KIF26B: variants seen among roughly 807,000 people sequenced by gnomAD.
KIF26B encodes kinesin family member 26B, also known as kinesin-like protein KIF26B.
Under a neutral mutation model 151.2 loss-of-function variants are expected in KIF26B, and 63 were observed. That is an observed-to-expected ratio of 0.42 (90% CI 0.34 to 0.51). The LOEUF is 0.51. Among genes scored for constraint, KIF26B ranks in the 20% least tolerant of loss-of-function variants. KIF26B has a pLI of 0.07. For missense variants in KIF26B, 2,813 were observed against 2,913.6 expected (o/e 0.97, Z 0.79); for synonymous variants, 1,357 against 1,262.1 (o/e 1.08, Z -1.59).
chr1:245,371,206 T>C (rs944126221), intron 3 of KIF26B, among the ~76,000 whole-genome samples: 35 of 152,212 alleles, frequency 2.3e-4, no homozygotes, highest in African/African-American at 8.0e-4. Flanking sequence ...TGCCTGGCTA[T>C]GAATCTGCGT....
chr1:245,197,372 GA>G (rs1411347395), intron 2 of KIF26B, among the ~76,000 whole-genome samples: 1 of 152,212 alleles, frequency 6.6e-6, no homozygotes, highest in East Asian at 1.9e-4. Flanking sequence ...AAGATCTGAG[GA>G]GGGGCAGGGC....
At chr1:245,473,875 C>T (rs1416963155) in intron 4 of KIF26B, among the ~76,000 whole-genome samples, 2 of 151,768 alleles carry the variant, frequency 1.3e-5, no homozygotes, top group African/African-American at 4.8e-5. Context: ...GCTCTGCTCT[C>T]TCGGTTTTTT....
chr1:245,512,193 C>G lies in KIF26B; in HGVS notation c.1167-28574C>G, dbSNP rs955037327. ...AAGTGGGATTTCTAACAATAAGAGT[C>G]GTGAGTTTTTCTGAGCTATCATTGC... On this transcript the variant is annotated intron_variant, in intron 4 of 14. Transcript: ENST00000407071. This position sits in a 1 kb window ranked among gnomAD's most constrained non-coding sequence, Gnocchi z 4.3. Among the ~76,000 whole-genome samples the G allele has an allele frequency of 6.6e-6, 1 of 152,156 alleles. No homozygotes were observed. The highest frequency in any genetic ancestry group is 6.5e-5 in the Admixed American group (1 of 15,280).
intron 5 of KIF26B, among the ~76,000 whole-genome samples, chr1:245,584,715 G>C (rs1469054409): frequency 6.6e-6 from 1 of 152,182 alleles, no homozygotes; most frequent in Non-Finnish European, 1.5e-5. Context: ...TTCTACGATA[G>C]TAATAAAAGC....
At chr1:245,222,189 G>A (rs950192100) in intron 2 of KIF26B, among the ~76,000 whole-genome samples, 40 of 152,196 alleles carry the variant, frequency 2.6e-4, no homozygotes, top group Non-Finnish European at 4.4e-5. Flanking sequence ...CTGTAATCCA[G>A]CACTTTGGGG....
At chr1:245,506,125 T>C (rs1402020005) in intron 4 of KIF26B, among the ~76,000 whole-genome samples, 1 of 152,212 alleles carries the variant, frequency 6.6e-6, no homozygotes, top group East Asian at 1.9e-4. Context: ...CTTGGAATGG[T>C]ATTTTCCTAT....
chr1:245,549,966 AG>A (rs1661838828), intron 5 of KIF26B, among the ~76,000 whole-genome samples: 1 of 152,070 alleles, frequency 6.6e-6, no homozygotes, highest in African/African-American at 2.4e-5. Context: ...TTTAGTAGAG[AG>A]GGGGTTTCAC....
intron 12 of KIF26B, among the ~76,000 whole-genome samples, chr1:245,690,249 C>T (rs1224091675): frequency 6.6e-6 from 1 of 152,222 alleles, no homozygotes; most frequent in Non-Finnish European, 1.5e-5. Flanking sequence ...GAAGCCAGGG[C>T]GGCCGGGTTC....
chr1:245,186,422 A>AACCAGCTAAACAGCC (rs1669002642), intron 2 of KIF26B, among the ~76,000 whole-genome samples: 1 of 152,326 alleles, frequency 6.6e-6, no homozygotes, highest in African/African-American at 2.4e-5. Flanking sequence ...GGTGCAGCTA[A>AACCAGCTAAACAGCC]ACCAGCTAAA....
chr1:245,687,616 A>G lies in KIF26B; in HGVS notation c.4633A>G (p.Ser1545Gly). The G allele has an allele frequency of 1.3e-6, 2 of 1,563,574 alleles. No homozygotes were observed. Among genetic ancestry groups the G allele is most frequent in the Non-Finnish European group, 1.7e-6 (2 of 1,154,394 alleles). ...SSLPRAFQKA[S>G]RQEEPDSLSY... ...CCTTCCCAGGGCCTTTCAGAAGGCC[A>G]GCCGGCAGGAGGAGCCGGACAGCCT... is the stretch of plus-strand genomic sequence containing the variant. Residue 1545 changes from serine (S) to glycine (G), a missense_variant, in exon 12 of 15, where the codon AGC becomes GGC. Ser to Gly is a moderately conservative substitution (Grantham distance 56). Around this residue, in one of 3 missense-constraint regions of KIF26B, gnomAD observed 2,060 missense variants for 2,088.6 expected, o/e 0.99. Transcript: ENST00000407071. The surrounding 1 kb of genome is among the most constrained non-coding windows in gnomAD (Gnocchi z 4.9).
Position 245,455,599 on chromosome 1 carries a change from G to A in KIF26B, c.1166+35854G>A, listed in dbSNP as rs145122632. On this transcript the variant is annotated intron_variant, in intron 4 of 14. Transcript: ENST00000407071. ...AGTATAAGCAAATGCTTAAGGTGAC[G>A]ATGCCAAGAGAAATAAAAGCTCTCT... Among the ~76,000 whole-genome samples the A allele has an allele frequency of 2.6e-3, 403 of 152,318 alleles. 2 individuals carry two copies. The highest frequency in any genetic ancestry group is 9.2e-3 in the African/African-American group (383 of 41,572).
At chr1:245,569,804 C>T (rs1257786883) in intron 5 of KIF26B, among the ~76,000 whole-genome samples, 1 of 147,648 alleles carries the variant, frequency 6.8e-6, no homozygotes. Flanking sequence ...ACAAAACAAA[C>T]AAACAAACAC....
chr1:245,597,202 C>T lies in KIF26B; in HGVS notation c.1351-5375C>T, dbSNP rs928565778. Among the ~76,000 whole-genome samples, 3 of 152,092 alleles carry T rather than the reference C, an allele frequency of 2.0e-5. No homozygotes were observed. The highest frequency in any genetic ancestry group is 4.4e-5 in the Non-Finnish European group (3 of 68,024). ...CTAGCTGGTTATTTTTCCCATTAGT[C>T]GATGCAGTTTTTTCATAGCATGAAT... On this transcript the variant is annotated intron_variant, in intron 5 of 14. Transcript: ENST00000407071. The surrounding 1 kb of genome is among the most constrained non-coding windows in gnomAD (Gnocchi z 4.6).
chr1:245,236,956 G>GT (rs1402255884), intron 2 of KIF26B, among the ~76,000 whole-genome samples: 2 of 152,218 alleles, frequency 1.3e-5, no homozygotes, highest in Non-Finnish European at 2.9e-5. Flanking sequence ...GAGAAGTAAA[G>GT]TGACTTGTCT....
At chr1:245,643,429 T>A (rs2043913954) in intron 9 of KIF26B, among the ~76,000 whole-genome samples, 1 of 152,208 alleles carries the variant, frequency 6.6e-6, no homozygotes, top group Non-Finnish European at 1.5e-5. Flanking sequence ...GTTACCACAG[T>A]CTAATTTAAA....
chr1:245,491,939 C>T (rs1556874), intron 4 of KIF26B, among the ~76,000 whole-genome samples: 131,599 of 152,014 alleles, frequency 0.87, 57,981 homozygotes, highest in South Asian at 0.96. Context: ...AACTGAATTC[C>T]GGGTCAGATC....
chr1:245,180,983 A>T (rs1166517617), intron 2 of KIF26B, among the ~76,000 whole-genome samples: 1 of 151,768 alleles, frequency 6.6e-6, no homozygotes, highest in South Asian at 2.1e-4. Flanking sequence ...GACATTGTGC[A>T]CCCCCTTCTT....
chr1:245,420,150 A>G (rs1320679042), intron 4 of KIF26B, among the ~76,000 whole-genome samples: 1 of 152,128 alleles, frequency 6.6e-6, no homozygotes, highest in Non-Finnish European at 1.5e-5. Flanking sequence ...TTCCAGATTT[A>G]TCTTCTCATT....
At chr1:245,583,544 G>A (rs1047708355) in intron 5 of KIF26B, among the ~76,000 whole-genome samples, 5 of 152,122 alleles carry the variant, frequency 3.3e-5, no homozygotes, top group African/African-American at 9.7e-5. Flanking sequence ...TTTTATAGAC[G>A]AATGTTTCTT....
Sources: allele counts gnomAD v4.1 joint callset (sites outside exome capture counted in the v4.1 genomes callset), GRCh38; gene constraint gnomAD v4.1.1; regional missense constraint gnomAD v4.1.1; non-coding constraint Gnocchi (gnomAD v3.1); transcripts MANE v1.5; gene names NCBI Gene and HGNC (gene_info 2026-07-23, HGNC 2026-07-21).